The following LARS2 variants were observed in gnomAD, a reference collection of about 807,000 sequenced individuals.
LARS2 encodes leucine--tRNA ligase, mitochondrial.
A neutral mutation model predicts 116.6 loss-of-function variants in LARS2; 81 were observed. The observed-to-expected ratio is 0.69, with a 90% CI of 0.58 to 0.84. The LOEUF (loss-of-function observed/expected upper bound fraction) is 0.84. Among genes scored for constraint, LARS2 ranks in the 40% least tolerant of loss-of-function variants. The pLI, the probability that LARS2 is intolerant of heterozygous loss-of-function variation, is 0.00. For synonymous variants in LARS2, 396 were observed against 407.2 expected (o/e 0.97, Z 0.33); for missense variants, 968 against 1,114.5 (o/e 0.87, Z 1.87).
chr3:45,509,636 G>T (rs1700253616), intron 15 of LARS2: 1 of 152,062 alleles, frequency 6.6e-6, no homozygotes, highest in African/African-American at 2.4e-5. Flanking sequence ...AAACAAGTGT[G>T]ACTCATTCAG....
At chr3:45,531,906 G>A (rs1296971537) in intron 20 of LARS2, among the ~76,000 whole-genome samples, 1 of 152,150 alleles carries the variant, frequency 6.6e-6, no homozygotes, top group Middle Eastern at 3.2e-3. Context: ...TCACCAGGAT[G>A]CACAGTAGAT....
intron 20 of LARS2, among the ~76,000 whole-genome samples, chr3:45,537,024 CTGTGTGTGTGTG>C (rs5848749): frequency 6.7e-6 from 1 of 150,146 alleles, no homozygotes; most frequent in African/African-American, 2.5e-5. Context: ...TTCTTTTGCT[CTGTGTGTGTGTG>C]TGTGTGTGTG....
intron 3 of LARS2, among the ~76,000 whole-genome samples, chr3:45,397,374 A>G (rs939059399): frequency 6.6e-6 from 1 of 152,190 alleles, no homozygotes; most frequent in Non-Finnish European, 1.5e-5. Context: ...TTCTGTAATA[A>G]ACAGAAATCT....
chr3:45,502,093 T>A (rs1369427583), intron 15 of LARS2, among the ~76,000 whole-genome samples: 1 of 152,066 alleles, frequency 6.6e-6, no homozygotes, highest in African/African-American at 2.4e-5. Context: ...ACAATCCAAT[T>A]ATACTCTTTT....
chr3:45,483,634 G>A (rs539216828), intron 10 of LARS2, among the ~76,000 whole-genome samples: 1 of 152,230 alleles, frequency 6.6e-6, no homozygotes, highest in Non-Finnish European at 1.5e-5. Context: ...GGGTGACAGA[G>A]TGGGACCCTG....
chr3:45,497,737 A>C (rs561669261), intron 14 of LARS2, among the ~76,000 whole-genome samples: 1 of 151,712 alleles, frequency 6.6e-6, no homozygotes, highest in East Asian at 1.9e-4. Flanking sequence ...CAAAACCCCA[A>C]CTCTACCAAA....
At chr3:45,533,313 G>C (rs2125765794) in intron 20 of LARS2, among the ~76,000 whole-genome samples, 2 of 151,886 alleles carry the variant, frequency 1.3e-5, no homozygotes, top group Middle Eastern at 3.4e-3. Flanking sequence ...ACCATACCCA[G>C]CTAATTTTTT....
chr3:45,523,479 G>A (rs1700484578), intron 19 of LARS2, among the ~76,000 whole-genome samples: 1 of 151,954 alleles, frequency 6.6e-6, no homozygotes, highest in Non-Finnish European at 1.5e-5. Context: ...CTCAAAGAGT[G>A]GTGAGGACTA....
intron 14 of LARS2, among the ~76,000 whole-genome samples, chr3:45,498,919 A>G (rs376875485): frequency 6.6e-6 from 1 of 152,370 alleles, no homozygotes; most frequent in East Asian, 1.9e-4. Context: ...GTTGCATCGC[A>G]TTCAGTAAGC....
At chr3:45,545,680 C>G (rs943184554) in intron 21 of LARS2, among the ~76,000 whole-genome samples, 3 of 152,180 alleles carry the variant, frequency 2.0e-5, no homozygotes, top group Non-Finnish European at 2.9e-5. Context: ...TGCCCTGCCC[C>G]CAAAGCCCCA....
intron 8 of LARS2, among the ~76,000 whole-genome samples, chr3:45,467,388 C>G (rs974228995): frequency 6.6e-6 from 1 of 152,150 alleles, no homozygotes; most frequent in Non-Finnish European, 1.5e-5. Flanking sequence ...AGATGGCTAG[C>G]TCTAAGTGTC....
At position 45,516,102 on chromosome 3, in the gene LARS2, C is replaced by T; in HGVS notation, c.1870C>T (p.Pro624Ser). Reference protein sequence around the residue: ...REEVDLTGSVPVHAKTKEKLE... With the variant: ...REEVDLTGSVSVHAKTKEKLE... ...ATTATTTTGGCATCTAGGTTCCGTT[C>T]CTGTTCATGCAAAAACGAAAGAGAA... Residue 624 changes from proline to serine, a missense_variant, in exon 17 of 22, where the codon CCT (proline) becomes TCT (serine). Pro to Ser is a moderately conservative substitution (Grantham distance 74, BLOSUM62 -1). Transcript: ENST00000645846. The T allele has an allele frequency of 6.2e-7, 1 of 1,613,906 alleles. No homozygotes were observed. Among genetic ancestry groups the T allele is most frequent in the Non-Finnish European group, 8.5e-7 (1 of 1,179,834 alleles).
At chr3:45,432,453 A>C (rs1313920082) in intron 6 of LARS2, among the ~76,000 whole-genome samples, 3 of 152,156 alleles carry the variant, frequency 2.0e-5, no homozygotes, top group African/African-American at 7.2e-5. Flanking sequence ...ATCTTCTCAG[A>C]CCACAATGGT....
At chr3:45,497,537 G>C (rs1347913711) in intron 14 of LARS2, among the ~76,000 whole-genome samples, 10 of 152,148 alleles carry the variant, frequency 6.6e-5, no homozygotes, top group Admixed American at 6.6e-4. Context: ...TAGTGAGACA[G>C]ATACTCCTGC....
chr3:45,475,152 G>A (rs1271842132), intron 9 of LARS2, among the ~76,000 whole-genome samples: 2 of 151,864 alleles, frequency 1.3e-5, no homozygotes, highest in Admixed American at 6.6e-5. Flanking sequence ...CCTCACTTTC[G>A]TCCCCGTCAA....
In LARS2 at chr3:45,453,862, A is replaced by G. The variant is rs1575265077; in HGVS notation, c.607-4881A>G. On this transcript the variant is annotated intron_variant, in intron 7 of 21. Coordinates refer to ENST00000645846, the MANE Select transcript of LARS2 (RefSeq NM_015340.4). ...TCAGAAAAGGTCTTTGATAGTTTAA[A>G]AAAAAAAGAAAGAAAAGAAAAGCAG... 3.3e-5 allele frequency among the ~76,000 whole-genome samples: 5 copies of G among 152,288 alleles called. 1 individual carries two copies. The highest frequency in any genetic ancestry group is 4.8e-5 in the African/African-American group (2 of 41,572).
chr3:45,474,302 C>G lies in LARS2; in HGVS notation c.810C>G (p.Ala270=). Residue 270 remains alanine (A), a synonymous_variant, in exon 9 of 22, where the codon GCC becomes GCG. Coordinates refer to ENST00000645846, the MANE Select transcript of LARS2 (RefSeq NM_015340.4). Reference sequence around the variant, plus strand: ...GGTATGGAATAAAAGGCATGCAAGCCCACTGGATTGGGGACTGTGTGGGCT... The same window carrying G: ...GGTATGGAATAAAAGGCATGCAAGCGCACTGGATTGGGGACTGTGTGGGCT... ...PEWYGIKGMQ[A]HWIGDCVGCH... 3.7e-6 allele frequency: 6 copies of G among 1,611,856 alleles called. No individual in the cohort carries two copies. Among genetic ancestry groups the G allele is most frequent in the Non-Finnish European group, 5.1e-6 (6 of 1,178,300 alleles).
In LARS2 at chr3:45,523,998, A is replaced by G. The variant is rs759665269; in HGVS notation, c.2294A>G (p.Gln765Arg). 1 of 1,612,708 alleles carries G rather than the reference A, an allele frequency of 6.2e-7. No homozygotes were observed. Among genetic ancestry groups the G allele is most frequent in the South Asian group, 1.1e-5 (1 of 91,024 alleles). The change falls in exon 20 of 22, where the codon CAA (glutamine) becomes CGA (arginine). Residue 765 changes from glutamine to arginine, a missense_variant and splice_region_variant. Transcript: ENST00000645846. ...QLMGLSNALS[Q>R]ASQSVILHSP... is the part of the protein sequence containing the mutation. ...TTACTTTTTTTTCCTCTTCCTTAGCAAGCCTCTCAGAGCGTCATTCTCCAC... is the reference window on the plus strand; with the variant it reads ...TTACTTTTTTTTCCTCTTCCTTAGCGAGCCTCTCAGAGCGTCATTCTCCAC...
At chr3:45,469,253 G>A (rs1052158560) in intron 8 of LARS2, among the ~76,000 whole-genome samples, 4 of 152,154 alleles carry the variant, frequency 2.6e-5, no homozygotes, top group African/African-American at 4.8e-5. Flanking sequence ...AGAGGTTGAC[G>A]CAGGGCTATC....
Sources: allele counts gnomAD v4.1 joint callset (sites outside exome capture counted in the v4.1 genomes callset), GRCh38; gene constraint gnomAD v4.1.1; transcripts MANE v1.5; gene names NCBI Gene and HGNC (gene_info 2026-07-23, HGNC 2026-07-21).